The following ADAMTS12 variants were observed in gnomAD, a reference collection of about 807,000 sequenced individuals.
ADAMTS12 encodes A disintegrin and metalloproteinase with thrombospondin motifs 12.
In ADAMTS12, 118 loss-of-function variants were observed where a neutral mutation model predicts 167.8. That is an observed-to-expected ratio of 0.70 (90% CI 0.61 to 0.82). The LOEUF is 0.82. ADAMTS12 is among the 40% of genes least tolerant of loss of function. The pLI is 0.00. For missense variants in ADAMTS12, 1,916 were observed against 1,998.8 expected (o/e 0.96, Z 0.79); for synonymous variants, 704 against 716.9 (o/e 0.98, Z 0.29).
chr5:33,697,202 C>A (rs749711481), intron 3 of ADAMTS12, among the ~76,000 whole-genome samples: 5 of 152,152 alleles, frequency 3.3e-5, no homozygotes, highest in Non-Finnish European at 7.3e-5. Context: ...CTGCCGGGCT[C>A]TCTAGGGAAA....
At chr5:33,707,647 C>T (rs1561226699) in intron 3 of ADAMTS12, among the ~76,000 whole-genome samples, 1 of 152,106 alleles carries the variant, frequency 6.6e-6, no homozygotes, top group Non-Finnish European at 1.5e-5. Context: ...GAAATAACAC[C>T]ACACATCTAC....
chr5:33,674,371 G>A (rs987165784), intron 5 of ADAMTS12, among the ~76,000 whole-genome samples: 3 of 152,178 alleles, frequency 2.0e-5, no homozygotes, highest in African/African-American at 7.2e-5. Context: ...GATTCTACAT[G>A]GGTGTCTCGT....
rs187648674 is a variant in ADAMTS12 at position 33,730,969 on chromosome 5, A to G, written c.634+20435T>C. Among the ~76,000 whole-genome samples the G allele has an allele frequency of 2.1e-3, 319 of 149,392 alleles. 3 individuals carry two copies. Among genetic ancestry groups the G allele is most frequent in the African/African-American group, 8.1e-3 (313 of 38,762 alleles). On this transcript the variant is annotated intron_variant, in intron 3 of 23. Coordinates refer to ENST00000504830, the MANE Select transcript of ADAMTS12 (RefSeq NM_030955.4). ...AGACCCGGATACAAATCCCAGTCACACTTAACTATTTGGGAGATCTCTGAC... is the reference window on the plus strand; with the variant it reads ...AGACCCGGATACAAATCCCAGTCACGCTTAACTATTTGGGAGATCTCTGAC...
intron 2 of ADAMTS12, among the ~76,000 whole-genome samples, chr5:33,857,088 C>T (rs894431751): frequency 4.6e-5 from 7 of 152,044 alleles, no homozygotes; most frequent in Admixed American, 6.6e-5. Flanking sequence ...GCCTTTAAAA[C>T]GAAAGAAAAC....
chr5:33,873,401 T>G (rs1750112871), intron 2 of ADAMTS12, among the ~76,000 whole-genome samples: 1 of 152,112 alleles, frequency 6.6e-6, no homozygotes, highest in Non-Finnish European at 1.5e-5. Flanking sequence ...AAAATTCTGA[T>G]GAAGGAAATA....
chr5:33,650,542 G>T (rs2112195090), intron 7 of ADAMTS12, among the ~76,000 whole-genome samples: 1 of 152,262 alleles, frequency 6.6e-6, no homozygotes, highest in African/African-American at 2.4e-5. Flanking sequence ...GCTTGTTAGT[G>T]GTAAAACTAG....
chr5:33,727,576 A>G (rs1744030029), intron 3 of ADAMTS12, among the ~76,000 whole-genome samples: 1 of 152,208 alleles, frequency 6.6e-6, no homozygotes, highest in Admixed American at 6.5e-5. Context: ...GTTTAATTCA[A>G]AGGTGCTTTT....
intron 3 of ADAMTS12, among the ~76,000 whole-genome samples, chr5:33,732,609 A>C (rs1320227522): frequency 6.6e-6 from 1 of 152,242 alleles, no homozygotes; most frequent in Non-Finnish European, 1.5e-5. Context: ...TTTGCACAAC[A>C]AATTAGAGAA....
At chr5:33,606,896 T>C (rs4440363) in intron 16 of ADAMTS12, among the ~76,000 whole-genome samples, 88,184 of 151,988 alleles carry the variant, frequency 0.58, 25,858 homozygotes, top group East Asian at 0.82. Flanking sequence ...GTGTATATAA[T>C]ACATGTATGA....
intron 2 of ADAMTS12, among the ~76,000 whole-genome samples, chr5:33,867,622 A>ACG (rs1749874213): frequency 1.5e-5 from 1 of 66,656 alleles, no homozygotes; most frequent in Non-Finnish European, 3.0e-5. Flanking sequence ...ATAAAAATAC[A>ACG]CACACACACA....
intron 19 of ADAMTS12, among the ~76,000 whole-genome samples, chr5:33,565,865 C>A (rs533950834): frequency 1.3e-5 from 2 of 152,190 alleles, no homozygotes; most frequent in South Asian, 4.2e-4. Flanking sequence ...GCTTAATTTG[C>A]GTGGATATAG....
chr5:33,618,725 T>C (rs78076322), intron 14 of ADAMTS12, among the ~76,000 whole-genome samples: 5,008 of 152,292 alleles, frequency 0.033, 281 homozygotes, highest in African/African-American at 0.11. Context: ...CCTTCACCCC[T>C]GCCTTTCTCA....
chr5:33,683,734 T>G (rs1039795889), intron 4 of ADAMTS12, 125 bp downstream of exon 4: 2 of 566,020 alleles, frequency 3.5e-6, no homozygotes, highest in Admixed American at 4.2e-5. Flanking sequence ...AGGTACTAGA[T>G]TCACATATAT....
chr5:33,637,791 C>G (rs770331707), intron 11 of ADAMTS12, 45 bp from the exon 12 acceptor site: 2 of 1,595,282 alleles, frequency 1.3e-6, no homozygotes, highest in Non-Finnish European at 1.7e-6. Flanking sequence ...TGCTTCAACG[C>G]CAGCACTTTC....
At chr5:33,565,502 G>A (rs914417576) in intron 19 of ADAMTS12, among the ~76,000 whole-genome samples, 1 of 152,134 alleles carries the variant, frequency 6.6e-6, no homozygotes, top group South Asian at 2.1e-4. Context: ...AAAGAGAGCA[G>A]GCACCAGGCC....
intron 2 of ADAMTS12, among the ~76,000 whole-genome samples, chr5:33,762,924 G>C (rs1745407369): frequency 6.6e-6 from 1 of 152,184 alleles, no homozygotes; most frequent in Non-Finnish European, 1.5e-5. Context: ...CTTAAGGCAA[G>C]TAGATGGGCA....
rs572217785 is a variant in ADAMTS12, at chr5:33,816,888, T to C, written c.489+64231A>G. On this transcript the variant is annotated intron_variant, in intron 2 of 23. Coordinates refer to ENST00000504830, the MANE Select transcript of ADAMTS12 (RefSeq NM_030955.4). ...ATACCTACAACTCTAGCTCTTTATA[T>C]ATTGGGTCTCTGTTGATACTGAAAC... Among the ~76,000 whole-genome samples the C allele has an allele frequency of 2.0e-5, 3 of 152,320 alleles. No individual in the cohort carries two copies. In the South Asian group the frequency reaches 6.2e-4, roughly 32 times the overall value.
chr5:33,837,164 G>A (rs1748561262), intron 2 of ADAMTS12, among the ~76,000 whole-genome samples: 1 of 152,210 alleles, frequency 6.6e-6, no homozygotes, highest in African/African-American at 2.4e-5. Context: ...AAACTCTTAG[G>A]GAGGAATGAG....
rs1166475274 is a variant in ADAMTS12, at chr5:33,546,079, C to G, written c.4426G>C (p.Ala1476Pro). ...CTTACCAGGTCCCAGTTCCCAGTGG[C>G]CCAGTGACAGCACAGGTGCTCATTG... is the stretch of plus-strand genomic sequence containing the variant. ...SCNEHLCCHW[A>P]TGNWDLCSTS... Residue 1476 changes from alanine to proline, a missense_variant, in exon 22 of 24, where the codon GCC becomes CCC. Ala to Pro is a conservative substitution (Grantham distance 27). Transcript: ENST00000504830. The G allele has an allele frequency of 6.2e-7, 1 of 1,613,294 alleles. No homozygotes were observed. The highest frequency in any genetic ancestry group is 8.5e-7 in the Non-Finnish European group (1 of 1,179,808).
Sources: allele counts gnomAD v4.1 joint callset (sites outside exome capture counted in the v4.1 genomes callset), GRCh38; gene constraint gnomAD v4.1.1; transcripts MANE v1.5; gene names NCBI Gene and HGNC (gene_info 2026-07-23, HGNC 2026-07-21).